BNC2: variants seen among roughly 807,000 people sequenced by gnomAD.
The protein encoded by BNC2 is basonuclin zinc finger protein 2.
BNC2 carries 20 observed loss-of-function variants against 76.3 expected under a neutral mutation model. That is an observed-to-expected ratio of 0.26 (90% confidence interval 0.18 to 0.38). The LOEUF is 0.38. Among genes scored for constraint, BNC2 ranks in the 10% least tolerant of loss-of-function variants. The pLI, the probability that BNC2 is intolerant of heterozygous loss-of-function variation, is 1.00. For missense variants in BNC2, 1,382 were observed against 1,399.8 expected (o/e 0.99, Z 0.20); for synonymous variants, 582 against 514.8 (o/e 1.13, Z -1.77).
chr9:16,681,499 C>A (rs1323939011), intron 3 of BNC2, among the ~76,000 whole-genome samples: 1 of 152,098 alleles, frequency 6.6e-6, no homozygotes, highest in Non-Finnish European at 1.5e-5. Flanking sequence ...ATCTGGCAAT[C>A]ATTTGTCAAT....
Position 16,419,579 on chromosome 9 carries a change from A to T in BNC2, c.2710T>A (p.Ser904Thr), listed in dbSNP as rs759786995. The T allele has an allele frequency of 6.3e-7, 1 of 1,593,016 alleles. No homozygotes were observed. The highest frequency in any genetic ancestry group is 8.6e-7 in the Non-Finnish European group (1 of 1,168,208). ...KELDDMGLDS[S>T]QPSLSKDLRD... ...AGGTCCTTGCTAAGGGAGGGCTGCG[A>T]CGAGTCCAGGCCCATGTCATCGAGT... is the stretch of plus-strand genomic sequence containing the variant. Residue 904 changes from serine (S) to threonine (T), a missense_variant, in exon 7 of 7, where the codon TCG becomes ACG. This residue lies in a region of BNC2 where 798 missense variants were observed against 775.5 expected (regional missense o/e 1.03). Coordinates refer to ENST00000380672, the MANE Select transcript of BNC2 (RefSeq NM_017637.6).
At chr9:16,486,045 A>G (rs1822157432) in intron 5 of BNC2, among the ~76,000 whole-genome samples, 1 of 152,188 alleles carries the variant, frequency 6.6e-6, no homozygotes, top group African/African-American at 2.4e-5. Flanking sequence ...TCTGAAAATA[A>G]ATCACCCCAA....
At chr9:16,695,724 C>T (rs1212510921) in intron 3 of BNC2, among the ~76,000 whole-genome samples, 16 of 151,976 alleles carry the variant, frequency 1.1e-4, no homozygotes, top group Non-Finnish European at 2.9e-5. Context: ...AAGCTCTTCT[C>T]AAGTCTCATC....
At chr9:16,533,675 C>G (rs895810293) in intron 5 of BNC2, among the ~76,000 whole-genome samples, 1 of 152,164 alleles carries the variant, frequency 6.6e-6, no homozygotes, top group African/African-American at 2.4e-5. Context: ...TTACTTCAAT[C>G]TGTCGTTTAT....
At chr9:16,427,769 C>G (rs112441713) in intron 6 of BNC2, among the ~76,000 whole-genome samples, 3 of 152,168 alleles carry the variant, frequency 2.0e-5, no homozygotes, top group Non-Finnish European at 4.4e-5. Context: ...GGAAGGTAAT[C>G]TAACTACAGG....
At chr9:16,532,664 G>T (rs1035104138) in intron 5 of BNC2, among the ~76,000 whole-genome samples, 1 of 152,024 alleles carries the variant, frequency 6.6e-6, no homozygotes. Flanking sequence ...ATGATAATAG[G>T]TACTCAAAAT....
intron 3 of BNC2, among the ~76,000 whole-genome samples, chr9:16,589,018 A>G (rs2133141188): frequency 6.6e-6 from 1 of 152,358 alleles, no homozygotes; most frequent in South Asian, 2.1e-4. Context: ...ATAGAAGCAT[A>G]AAGCACATAT....
intron 5 of BNC2, among the ~76,000 whole-genome samples, chr9:16,461,501 C>G (rs1031368665): frequency 6.6e-6 from 1 of 151,946 alleles, no homozygotes; most frequent in African/African-American, 2.4e-5. Context: ...CTAAGAGCCT[C>G]CTAAGTGAGG....
At chr9:16,672,484 A>C (rs1209150839) in intron 3 of BNC2, among the ~76,000 whole-genome samples, 1 of 151,758 alleles carries the variant, frequency 6.6e-6, no homozygotes, top group Non-Finnish European at 1.5e-5. Context: ...GCGACAGAGC[A>C]AGATCCATCT....
intron 1 of BNC2, among the ~76,000 whole-genome samples, chr9:16,869,332 C>A (rs1819618650): frequency 6.6e-6 from 1 of 152,078 alleles, no homozygotes; most frequent in Non-Finnish European, 1.5e-5. Context: ...TAAATGGGAA[C>A]CATCATAAAT....
intron 5 of BNC2, among the ~76,000 whole-genome samples, chr9:16,438,018 A>G (rs1484973283): frequency 6.6e-6 from 1 of 152,216 alleles, no homozygotes; most frequent in African/African-American, 2.4e-5. Flanking sequence ...TTCAATGATG[A>G]AAATTCCTTT....
chr9:16,614,860 G>C (rs1268713060), intron 3 of BNC2, among the ~76,000 whole-genome samples: 1 of 151,750 alleles, frequency 6.6e-6, no homozygotes, highest in Non-Finnish European at 1.5e-5. Flanking sequence ...GGAAGTCGAG[G>C]TGGAAAGATT....
chr9:16,835,207 C>A (rs1818678554), intron 1 of BNC2, among the ~76,000 whole-genome samples: 1 of 152,170 alleles, frequency 6.6e-6, no homozygotes, highest in East Asian at 1.9e-4. Context: ...GTCTTTTCTG[C>A]ATGTCAAAAT....
At chr9:16,763,761 C>T (rs1186827565) in intron 1 of BNC2, among the ~76,000 whole-genome samples, 3 of 152,170 alleles carry the variant, frequency 2.0e-5, no homozygotes, top group Non-Finnish European at 4.4e-5. Context: ...AACCTTCCTA[C>T]ATCCCATTCA....
At chr9:16,431,231 G>C (rs1459156784) in intron 6 of BNC2, among the ~76,000 whole-genome samples, 1 of 152,124 alleles carries the variant, frequency 6.6e-6, no homozygotes, top group East Asian at 1.9e-4. Context: ...CCAATGATAA[G>C]AAATATTAGG....
chr9:16,790,024 G>A (rs1183767281), intron 1 of BNC2, among the ~76,000 whole-genome samples: 1 of 151,992 alleles, frequency 6.6e-6, no homozygotes, highest in Non-Finnish European at 1.5e-5. Flanking sequence ...TTTTGAGATG[G>A]AGTCTCGCTC....
chr9:16,429,168 TG>T (rs1820858379), intron 6 of BNC2: 1 of 152,052 alleles, frequency 6.6e-6, no homozygotes. Context: ...AGAAAAAAAA[TG>T]CTTCATGGCT....
intron 1 of BNC2, among the ~76,000 whole-genome samples, chr9:16,814,812 A>G (rs1420086963): frequency 6.6e-6 from 1 of 152,212 alleles, no homozygotes; most frequent in East Asian, 1.9e-4. Context: ...TACCTCTCAA[A>G]GACATACCAA....
chr9:16,448,350 T>C (rs1478688650), intron 5 of BNC2, among the ~76,000 whole-genome samples: 1 of 152,138 alleles, frequency 6.6e-6, no homozygotes, highest in Non-Finnish European at 1.5e-5. Flanking sequence ...TTTTTTTACA[T>C]GATGATGGTG....
Sources: allele counts gnomAD v4.1 joint callset (sites outside exome capture counted in the v4.1 genomes callset), GRCh38; gene constraint gnomAD v4.1.1; regional missense constraint gnomAD v4.1.1; transcripts MANE v1.5; gene names NCBI Gene and HGNC (gene_info 2026-07-23, HGNC 2026-07-21).